CASD1: variants seen among roughly 807,000 people sequenced by gnomAD.
CASD1 encodes the protein CAS1 domain sialic acid O acetyltransferase 1, also known as N-acetylneuraminate (7)9-O-acetyltransferase.
In CASD1, 41 loss-of-function variants were observed where a neutral mutation model predicts 100.0. The observed-to-expected ratio is 0.41, with a 90% confidence interval of 0.32 to 0.53. The LOEUF (loss-of-function observed/expected upper bound fraction) is 0.53, where lower values mean the gene tolerates loss of function less well. Among genes scored for constraint, CASD1 ranks in the 20% least tolerant of loss-of-function variants. The probability of loss-of-function intolerance (pLI) is 0.25; values close to 1 mark genes in which losing one functional copy is unlikely to be tolerated. For missense variants in CASD1, 774 were observed against 948.7 expected (o/e 0.82, Z 2.42); for synonymous variants, 321 against 315.6 (o/e 1.02, Z -0.18).
In CASD1 at chr7:94,517,568, T is replaced by A; in HGVS notation, c.142T>A (p.Ser48Thr). The change falls in exon 2 of 18, where the codon TCG becomes ACG. Residue 48 changes from serine (S) to threonine (T), a missense_variant. Ser to Thr is a moderately conservative substitution (Grantham distance 58). Transcript: ENST00000297273. Reference sequence around the variant, plus strand: ...GTGTTTAACTGTTTTAGGCAATGATTCGTGTGAATACCTTCTCTCAAGTGG... The same window carrying A: ...GTGTTTAACTGTTTTAGGCAATGATACGTGTGAATACCTTCTCTCAAGTGG... ...LASRRYRGND[S>T]CEYLLSSGRF... is the part of the protein sequence containing the mutation. The A allele has an allele frequency of 6.2e-7, 1 of 1,608,894 alleles. No individual in the cohort carries two copies. The highest frequency in any genetic ancestry group is 8.5e-7 in the Non-Finnish European group (1 of 1,176,436).
the CASD1 span, among the ~76,000 whole-genome samples, chr7:94,632,580 T>C: frequency 1.3e-5 from 2 of 152,142 alleles, no homozygotes; most frequent in Non-Finnish European, 2.9e-5. Context: ...GATACAGATG[T>C]ATGACACATT....
At chr7:94,517,523 CTA>C (rs1395420705) in intron 1 of CASD1, 35 bp from the exon 2 acceptor site, 2 of 1,312,874 alleles carry the variant, frequency 1.5e-6, no homozygotes, top group African/African-American at 1.5e-5. Flanking sequence ...AAAATTTTAA[CTA>C]TTGTTTACAA....
the CASD1 span, among the ~76,000 whole-genome samples, chr7:94,604,410 C>CCACA: frequency 6.8e-6 from 1 of 147,424 alleles, no homozygotes; most frequent in African/African-American, 2.5e-5. Flanking sequence ...CCCAGAATAG[C>CCACA]CATACACACA....
chr7:94,534,108 CAT>C (rs920825513), intron 7 of CASD1, among the ~76,000 whole-genome samples: 1 of 148,746 alleles, frequency 6.7e-6, no homozygotes, highest in African/African-American at 2.5e-5. Flanking sequence ...TCTTACAAAA[CAT>C]ATTTATTGTG....
chr7:94,603,554 T>C, the CASD1 span: 1 of 1,065,766 alleles, frequency 9.4e-7, no homozygotes, highest in Non-Finnish European at 1.4e-6. Flanking sequence ...ATTGAGAGAT[T>C]AACTAGACTC....
Position 94,538,906 on chromosome 7 carries a change from T to C in CASD1, c.1267-61T>C, listed in dbSNP as rs1795249209. 16 of 852,344 alleles carry C rather than the reference T, an allele frequency of 1.9e-5. 1 individual carries two copies. In the South Asian group the frequency reaches 2.2e-4, roughly 12 times the overall value. 52.8% of individuals were successfully genotyped at this position (852,344 alleles called of 1,614,324 possible). Reference sequence around the variant, plus strand: ...AAGAAAACTTTTAACATACTTATTATATGCCGTTAAATAATTTCTTCATGA... The same window carrying C: ...AAGAAAACTTTTAACATACTTATTACATGCCGTTAAATAATTTCTTCATGA... On this transcript the variant is annotated intron_variant, in intron 9 of 17. Transcript: ENST00000297273.
At chr7:94,539,530 A>G (rs1370856950) in intron 10 of CASD1, among the ~76,000 whole-genome samples, 1 of 152,048 alleles carries the variant, frequency 6.6e-6, no homozygotes, top group Non-Finnish European at 1.5e-5. Context: ...CTAGCCAGGC[A>G]TGGCGGTGCA....
At chr7:94,584,312 C>T in the CASD1 span, among the ~76,000 whole-genome samples, 1 of 152,186 alleles carries the variant, frequency 6.6e-6, no homozygotes, top group Non-Finnish European at 1.5e-5. Flanking sequence ...GCCTTGACAA[C>T]ATTGCATTCC....
At chr7:94,542,936 CT>C (rs1334467303) in intron 10 of CASD1, among the ~76,000 whole-genome samples, 1 of 152,058 alleles carries the variant, frequency 6.6e-6, no homozygotes, top group African/African-American at 2.4e-5. Context: ...AATAAAAACT[CT>C]TTGTTTGATA....
chr7:94,515,549 CTGGGGAGAAA>C (rs1793936363), intron 1 of CASD1, among the ~76,000 whole-genome samples: 1 of 151,778 alleles, frequency 6.6e-6, no homozygotes, highest in African/African-American at 2.4e-5. Flanking sequence ...GACACGTTTT[CTGGGGAGAAA>C]CGACTGGTTA....
rs371354081 is a variant in CASD1 at position 94,555,644 on chromosome 7, A to T, written c.2280A>T (p.Ala760=). The T allele has an allele frequency of 6.2e-7, 1 of 1,613,466 alleles. No homozygotes were observed. Among genetic ancestry groups the T allele is most frequent in the South Asian group, 1.1e-5 (1 of 91,070 alleles). ...HEISQITNDL[A]QIIIPKDNSS... ...TTTCTCAGATCACTAATGATCTTGCACAGATTATTATTCCTAAAGATAACT... is the reference window on the plus strand; with the variant it reads ...TTTCTCAGATCACTAATGATCTTGCTCAGATTATTATTCCTAAAGATAACT... The change falls in exon 18 of 18, where the codon GCA becomes GCT. Residue 760 remains alanine, a synonymous_variant. Coordinates refer to ENST00000297273, the MANE Select transcript of CASD1 (RefSeq NM_022900.5).
the CASD1 span, among the ~76,000 whole-genome samples, chr7:94,633,912 G>A: frequency 2.0e-5 from 3 of 152,140 alleles, no homozygotes; most frequent in South Asian, 6.2e-4. Flanking sequence ...CTACAAAAAT[G>A]TCCAGAGAAC....
the CASD1 span, among the ~76,000 whole-genome samples, chr7:94,631,745 A>C: frequency 6.6e-6 from 1 of 152,004 alleles, no homozygotes; most frequent in Non-Finnish European, 1.5e-5. Flanking sequence ...AAGAGTTAAA[A>C]TAGGGAGTTT....
chr7:94,570,318 ATT>A, the CASD1 span, among the ~76,000 whole-genome samples: 1 of 151,628 alleles, frequency 6.6e-6, no homozygotes, highest in Admixed American at 6.6e-5. Context: ...TTCTATAATT[ATT>A]TTCTTTGTTA....
chr7:94,535,028 G>T (rs1198241455), intron 7 of CASD1, among the ~76,000 whole-genome samples: 1 of 152,124 alleles, frequency 6.6e-6, no homozygotes, highest in African/African-American at 2.4e-5. Context: ...CTTAAGACAT[G>T]CTGGAGCATA....
chr7:94,587,785 C>G, the CASD1 span: 1 of 1,547,492 alleles, frequency 6.5e-7, no homozygotes, highest in Admixed American at 2.0e-5. Context: ...TGCCTCAAAT[C>G]TTTGAAAAGT....
chr7:94,540,790 A>T (rs1438824732), intron 10 of CASD1, among the ~76,000 whole-genome samples: 1 of 152,166 alleles, frequency 6.6e-6, no homozygotes, highest in Non-Finnish European at 1.5e-5. Flanking sequence ...CTGATGTATG[A>T]ATAAAGACTG....
the CASD1 span, among the ~76,000 whole-genome samples, chr7:94,566,477 GA>G: frequency 1.3e-5 from 2 of 150,836 alleles, no homozygotes; most frequent in African/African-American, 4.9e-5. Flanking sequence ...AAAAAAACTT[GA>G]CAAATAGACC....
the CASD1 span, among the ~76,000 whole-genome samples, chr7:94,606,377 C>A: frequency 2.0e-5 from 3 of 152,032 alleles, no homozygotes; most frequent in Non-Finnish European, 4.4e-5. Context: ...TTATCAGAGA[C>A]AAAGAAAGGC....
Sources: allele counts gnomAD v4.1 joint callset (sites outside exome capture counted in the v4.1 genomes callset), GRCh38; gene constraint gnomAD v4.1.1; transcripts MANE v1.5; gene names NCBI Gene and HGNC (gene_info 2026-07-23, HGNC 2026-07-21).